PEAK1: variants seen among roughly 807,000 people sequenced by gnomAD.
The protein encoded by PEAK1 is pseudopodium enriched atypical kinase 1.
PEAK1 carries 54 observed loss-of-function variants against 124.7 expected under a neutral mutation model. That is an observed-to-expected ratio of 0.43 (90% CI 0.35 to 0.54). The LOEUF is 0.54. Ranked by LOEUF, PEAK1 falls within the 20% of genes least tolerant of loss-of-function variation. The pLI is 0.01. For synonymous variants in PEAK1, 719 were observed against 760.0 expected (o/e 0.95, Z 0.89); for missense variants, 2,046 against 2,134.5 (o/e 0.96, Z 0.82).
intron 5 of PEAK1, among the ~76,000 whole-genome samples, chr15:77,263,816 T>A (rs1330801310): frequency 1.3e-5 from 2 of 152,046 alleles, no homozygotes; most frequent in African/African-American, 4.8e-5. Flanking sequence ...AAAAAGAATT[T>A]TAGACCAATA....
At chr15:77,116,598 G>A (rs929360958) in intron 9 of PEAK1, among the ~76,000 whole-genome samples, 11 of 151,272 alleles carry the variant, frequency 7.3e-5, no homozygotes, top group South Asian at 4.2e-4. Flanking sequence ...GAGTCTCAGC[G>A]GAGAAAAGCA....
At chr15:77,146,263 C>T (rs1211493600) in intron 8 of PEAK1, among the ~76,000 whole-genome samples, 1 of 152,200 alleles carries the variant, frequency 6.6e-6, no homozygotes, top group Non-Finnish European at 1.5e-5. Context: ...GGCATTATTA[C>T]TGTGCTGAGG....
intron 6 of PEAK1, among the ~76,000 whole-genome samples, chr15:77,213,534 C>A (rs922377452): frequency 1.4e-4 from 21 of 152,078 alleles, no homozygotes; most frequent in African/African-American, 5.1e-4. Flanking sequence ...ACTAAAACTA[C>A]AAAAATTAGC....
At chr15:77,250,233 G>GTATATATATATACACATA (rs1324080099) in intron 6 of PEAK1, among the ~76,000 whole-genome samples, 1 of 102,982 alleles carries the variant, frequency 9.7e-6, no homozygotes, top group African/African-American at 4.0e-5. Context: ...ACATATATAT[G>GTATATATATATACACATA]TATATGTATA....
intron 7 of PEAK1, among the ~76,000 whole-genome samples, chr15:77,167,005 T>C (rs894906567): frequency 2.6e-5 from 4 of 152,212 alleles, no homozygotes; most frequent in Admixed American, 1.3e-4. Flanking sequence ...CTTTGGGGCA[T>C]TGCCCAGGAA....
Position 77,234,804 on chromosome 15 carries a change from T to TA in PEAK1, c.-115+17562dup, listed in dbSNP as rs201334762. ...GTATGGACCACCATGTCCAGCTAAT[T>TA]AAAAAAAAATATATATATTTTTTTG... On this transcript the variant is annotated intron_variant, in intron 6 of 9. Transcript: ENST00000682557. Among the ~76,000 whole-genome samples, 371 of 151,282 alleles carry TA rather than the reference T, an allele frequency of 2.5e-3. 2 individuals are homozygous for TA. Among genetic ancestry groups the TA allele is most frequent in the South Asian group, 0.019 (90 of 4,774 alleles).
At chr15:77,145,639 T>C (rs369201353) in intron 8 of PEAK1, among the ~76,000 whole-genome samples, 2 of 152,298 alleles carry the variant, frequency 1.3e-5, no homozygotes, top group East Asian at 3.9e-4. Flanking sequence ...TGTCATCTCA[T>C]AGGTAGCTCA....
At chr15:77,280,704 G>A (rs2062620765) in intron 5 of PEAK1, among the ~76,000 whole-genome samples, 1 of 151,886 alleles carries the variant, frequency 6.6e-6, no homozygotes, top group Non-Finnish European at 1.5e-5. Flanking sequence ...ACTTCCTTCA[G>A]ACAGTGTGGG....
chr15:77,143,835 G>T (rs1472477646), intron 8 of PEAK1, among the ~76,000 whole-genome samples: 3 of 152,186 alleles, frequency 2.0e-5, no homozygotes, highest in African/African-American at 7.2e-5. Context: ...TTGAGGGAAT[G>T]GACTGTGTCT....
intron 5 of PEAK1, among the ~76,000 whole-genome samples, chr15:77,263,747 T>C (rs2061564687): frequency 6.6e-6 from 1 of 152,126 alleles, no homozygotes; most frequent in South Asian, 2.1e-4. Flanking sequence ...CCTCCCTAAC[T>C]CATTTTATGA....
At chr15:77,378,897 CAT>C (rs2069246555) in intron 1 of PEAK1, among the ~76,000 whole-genome samples, 1 of 152,178 alleles carries the variant, frequency 6.6e-6, no homozygotes, top group Non-Finnish European at 1.5e-5. Flanking sequence ...CAAGCACAAA[CAT>C]GTTTGTTGAG....
Position 77,181,045 on chromosome 15 carries a change from G to A in PEAK1, c.882C>T (p.Ile294=). 1 of 1,614,158 alleles carries A rather than the reference G, an allele frequency of 6.2e-7. No homozygotes were observed. Among genetic ancestry groups the A allele is most frequent in the Non-Finnish European group, 8.5e-7 (1 of 1,180,006 alleles). The change falls in exon 7 of 10, where the codon ATC becomes ATT. Residue 294 remains isoleucine (I), a synonymous_variant. Transcript: ENST00000682557. ...RFFVDKKWNT[I]PLRNKSLQRI... is the part of the protein sequence containing the mutation. ...TCTGCAGAGACTTGTTTCGCAGGGGGATGGTATTCCATTTTTTGTCCACAA... is the reference window on the plus strand; with the variant it reads ...TCTGCAGAGACTTGTTTCGCAGGGGAATGGTATTCCATTTTTTGTCCACAA...
At chr15:77,250,756 A>C (rs2060841975) in intron 6 of PEAK1, among the ~76,000 whole-genome samples, 1 of 151,854 alleles carries the variant, frequency 6.6e-6, no homozygotes, top group Admixed American at 6.6e-5. Flanking sequence ...TTTAATAGAG[A>C]TGGGGTTTCA....
At chr15:77,207,010 G>C (rs1421412226) in intron 6 of PEAK1, among the ~76,000 whole-genome samples, 1 of 152,082 alleles carries the variant, frequency 6.6e-6, no homozygotes, top group Non-Finnish European at 1.5e-5. Context: ...AACAAGAAAT[G>C]GGGAAAGGAT....
chr15:77,230,226 G>A (rs2059851115), intron 6 of PEAK1, among the ~76,000 whole-genome samples: 1 of 150,740 alleles, frequency 6.6e-6, no homozygotes, highest in Non-Finnish European at 1.5e-5. Context: ...TTGACACGGA[G>A]TCTTGATCTG....
intron 2 of PEAK1, among the ~76,000 whole-genome samples, chr15:77,321,474 G>A (rs967600690): frequency 2.0e-5 from 3 of 152,148 alleles, no homozygotes; most frequent in Non-Finnish European, 4.4e-5. Flanking sequence ...AAAAGTGTCT[G>A]TTCATATCCT....
intron 6 of PEAK1, among the ~76,000 whole-genome samples, chr15:77,240,944 T>C (rs2060329017): frequency 6.6e-6 from 1 of 152,190 alleles, no homozygotes; most frequent in Admixed American, 6.5e-5. Context: ...TCCCATTCAT[T>C]TTATGAGATC....
rs1395576714 is a variant in PEAK1, at chr15:77,111,836, G to C, written c.*2320C>G. The C allele has an allele frequency of 6.6e-6, 1 of 152,210 alleles. No individual in the cohort carries two copies. Among genetic ancestry groups the C allele is most frequent in the African/African-American group, 2.4e-5 (1 of 41,442 alleles). The allele number at this position is 152,210 out of a possible 1,614,324, so 9.4% of individuals were successfully genotyped here. A position where few individuals can be genotyped will look rare whatever the true frequency, so the allele number is the denominator to read the frequency against. On this transcript the variant is annotated 3_prime_UTR_variant, in exon 10 of 10. Coordinates refer to ENST00000682557, the MANE Select transcript of PEAK1 (RefSeq NM_001385026.1). Reference sequence around the variant, plus strand: ...CAACATTGAAATTTACATGGGCAAGGCACCACGAACATGACATTGAGAAGG... The same window carrying C: ...CAACATTGAAATTTACATGGGCAAGCCACCACGAACATGACATTGAGAAGG...
At chr15:77,349,251 G>C in intron 2 of PEAK1, 3 of 518,928 alleles carry the variant, frequency 5.8e-6, no homozygotes, top group Non-Finnish European at 7.4e-6. Flanking sequence ...ATGTTACCCA[G>C]GATGGTCTCG....
Sources: allele counts gnomAD v4.1 joint callset (sites outside exome capture counted in the v4.1 genomes callset), GRCh38; gene constraint gnomAD v4.1.1; transcripts MANE v1.5; gene names NCBI Gene and HGNC (gene_info 2026-07-23, HGNC 2026-07-21).